Variants in MYO1D observed in about 807,000 individuals in gnomAD.
The protein encoded by MYO1D is myosin ID.
MYO1D carries 83 observed loss-of-function variants against 122.0 expected under a neutral mutation model. The ratio of observed to expected loss-of-function variants is 0.68; its 90% confidence interval spans 0.57 to 0.82. The LOEUF (loss-of-function observed/expected upper bound fraction) is 0.82. Among genes scored for constraint, MYO1D ranks in the 40% least tolerant of loss-of-function variants. MYO1D has a pLI of 0.00. For synonymous variants in MYO1D, 464 were observed against 446.9 expected, an observed-to-expected ratio of 1.04 and a Z score of -0.48; for missense variants, 1,157 against 1,269.5, an observed-to-expected ratio of 0.91 and a Z score of 1.35.
intron 1 of MYO1D, among the ~76,000 whole-genome samples, chr17:32,819,545 T>C (rs550893011): frequency 2.0e-5 from 3 of 152,324 alleles, no homozygotes; most frequent in Non-Finnish European, 4.4e-5. Flanking sequence ...ATTGTTTATA[T>C]ATACTTATGA....
chr17:32,790,572 T>C (rs2090340646), intron 1 of MYO1D, among the ~76,000 whole-genome samples: 1 of 152,226 alleles, frequency 6.6e-6, no homozygotes, highest in Non-Finnish European at 1.5e-5. Flanking sequence ...TTCAGAACGA[T>C]CTTCTCTTTA....
intron 1 of MYO1D, among the ~76,000 whole-genome samples, chr17:32,832,791 G>C (rs970005051): frequency 2.0e-5 from 3 of 152,208 alleles, no homozygotes; most frequent in Non-Finnish European, 2.9e-5. Flanking sequence ...GTAAAGAATA[G>C]AAGTTATATA....
intron 1 of MYO1D, among the ~76,000 whole-genome samples, chr17:32,801,306 G>C (rs2090458602): frequency 1.3e-5 from 2 of 152,154 alleles, no homozygotes; most frequent in Non-Finnish European, 2.9e-5. Flanking sequence ...TCAAGATTTT[G>C]CTTATAATTC....
At chr17:32,846,938 G>T (rs979371695) in intron 1 of MYO1D, among the ~76,000 whole-genome samples, 4 of 152,156 alleles carry the variant, frequency 2.6e-5, no homozygotes, top group African/African-American at 9.7e-5. Context: ...AGTAAGCTAT[G>T]ATCACACCAC....
chr17:32,632,219 C>T (rs2088017034), intron 20 of MYO1D, among the ~76,000 whole-genome samples: 2 of 152,114 alleles, frequency 1.3e-5, no homozygotes, highest in Admixed American at 6.5e-5. Flanking sequence ...CTGGTTATAG[C>T]TCACTTCAAA....
intron 1 of MYO1D, among the ~76,000 whole-genome samples, chr17:32,823,799 G>A (rs1273920600): frequency 2.0e-5 from 3 of 152,166 alleles, no homozygotes; most frequent in Non-Finnish European, 4.4e-5. Flanking sequence ...TGGGTACGGT[G>A]GCTCATGCCT....
intron 1 of MYO1D, among the ~76,000 whole-genome samples, chr17:32,873,994 G>GA (rs1417825405): frequency 6.6e-6 from 1 of 152,164 alleles, no homozygotes; most frequent in African/African-American, 2.4e-5. Context: ...CTGTCACCCA[G>GA]AGTCAGCTTT....
chr17:32,521,504 A>G (rs562454862), intron 21 of MYO1D, among the ~76,000 whole-genome samples: 1 of 152,366 alleles, frequency 6.6e-6, no homozygotes, highest in African/African-American at 2.4e-5. Flanking sequence ...TGTGTTTAGT[A>G]GCCATAGCGT....
chr17:32,674,567 T>C (rs1449141527), intron 16 of MYO1D, among the ~76,000 whole-genome samples: 1 of 152,228 alleles, frequency 6.6e-6, no homozygotes, highest in Non-Finnish European at 1.5e-5. Flanking sequence ...TTGTTTGTAC[T>C]GTGCTGCTGT....
chr17:32,517,873 C>T lies in MYO1D; in HGVS notation c.2865-22958G>A, dbSNP rs552922890. 2.8e-4 allele frequency among the ~76,000 whole-genome samples: 43 copies of T among 152,308 alleles called. No individual in the cohort carries two copies. In the South Asian group the frequency reaches 4.6e-3, roughly 16 times the overall value. On this transcript the variant is annotated intron_variant, in intron 21 of 21. Coordinates refer to ENST00000318217, the MANE Select transcript of MYO1D (RefSeq NM_015194.3). The stretch of plus-strand genomic sequence containing the variant: ...CATTCTAGAAGTGCCTGTGAAGGAG[C>T]GGCTGAGCCCCCAAGGGTCACAGAG...
At chr17:32,771,004 C>G in intron 6 of MYO1D, 121 bp downstream of exon 6, 2 of 554,724 alleles carry the variant, frequency 3.6e-6, no homozygotes, top group Non-Finnish European at 5.9e-6. Flanking sequence ...AAAAATAGAA[C>G]AGGATAAAAG....
At chr17:32,681,120 T>C (rs1243172551) in intron 16 of MYO1D, among the ~76,000 whole-genome samples, 5 of 152,028 alleles carry the variant, frequency 3.3e-5, no homozygotes, top group Admixed American at 3.3e-4. Context: ...TTTTTTATTG[T>C]GTCTATTTGA....
chr17:32,497,444 G>A (rs1909161156), intron 21 of MYO1D, among the ~76,000 whole-genome samples: 1 of 152,172 alleles, frequency 6.6e-6, no homozygotes, highest in South Asian at 2.1e-4. Flanking sequence ...GCAACAGAGT[G>A]AGACCTTGTC....
rs1001177351 is a variant in MYO1D, at chr17:32,643,705, C to T, written c.2596-4870G>A. Among the ~76,000 whole-genome samples the T allele has an allele frequency of 5.3e-5, 8 of 152,214 alleles. No individual in the cohort carries two copies. The East Asian group carries it at 1.2e-3, about 22-fold the overall frequency. ...TCTTCTAGATTTTTTAGTTTATTTG[C>T]GTAGAGGTGCTTATGGTATTCTCTG... On this transcript the variant is annotated intron_variant, in intron 19 of 21. Coordinates refer to ENST00000318217, the MANE Select transcript of MYO1D (RefSeq NM_015194.3).
At chr17:32,811,905 G>C (rs2090575713) in intron 1 of MYO1D, among the ~76,000 whole-genome samples, 1 of 152,126 alleles carries the variant, frequency 6.6e-6, no homozygotes. Flanking sequence ...AGTCTAAAAG[G>C]ACAAGTCAAA....
intron 19 of MYO1D, among the ~76,000 whole-genome samples, chr17:32,652,920 T>A (rs2088414004): frequency 6.6e-6 from 1 of 152,154 alleles, no homozygotes; most frequent in Non-Finnish European, 1.5e-5. Context: ...GGCGGGCGGA[T>A]CACGAGGTCA....
intron 10 of MYO1D, among the ~76,000 whole-genome samples, chr17:32,757,876 C>T (rs2089964982): frequency 6.6e-6 from 1 of 152,134 alleles, no homozygotes; most frequent in African/African-American, 2.4e-5. Context: ...GATGGGGTAG[C>T]TTAGGGACAT....
At chr17:32,760,161 C>T in intron 10 of MYO1D, 129 bp downstream of exon 10, 2 of 852,482 alleles carry the variant, frequency 2.3e-6, no homozygotes, top group Non-Finnish European at 4.0e-6. Flanking sequence ...TTTACATATC[C>T]CAAAAAGGAA....
chr17:32,711,993 G>A lies in MYO1D; in HGVS notation c.2116C>T (p.Gln706Ter). 1 of 1,610,452 alleles carries A rather than the reference G, an allele frequency of 6.2e-7. No individual in the cohort carries two copies. The highest frequency in any genetic ancestry group is 8.5e-7 in the Non-Finnish European group (1 of 1,177,512). Residue 706 changes from glutamine to a stop codon, truncating the protein, a stop_gained, in exon 16 of 22, where the codon CAA becomes TAA. Transcript: ENST00000318217. LOFTEE classifies it high-confidence loss of function. ...QMLIRIVLFLQKVWRGTLARM... is the reference protein window; with the variant it reads ...QMLIRIVLFL ...TATATAAAATATAAAATTACCTTTT[G>A]TAGAAAGAGGACAATCCTTATGAGC...
Sources: allele counts gnomAD v4.1 joint callset (sites outside exome capture counted in the v4.1 genomes callset), GRCh38; gene constraint gnomAD v4.1.1; transcripts MANE v1.5; gene names NCBI Gene and HGNC (gene_info 2026-07-23, HGNC 2026-07-21).